The following TAF12 variants were observed in gnomAD, a reference collection of about 807,000 sequenced individuals.
The protein encoded by TAF12 is transcription initiation factor TFIID subunit 12.
In TAF12, 3 loss-of-function variants were observed where a neutral mutation model predicts 20.8. The observed-to-expected ratio is 0.14, with a 90% CI of 0.07 to 0.37. TAF12 has a LOEUF of 0.37. Among genes scored for constraint, TAF12 ranks in the 10% least tolerant of loss-of-function variants. The probability of loss-of-function intolerance (pLI) is 1.00; values close to 1 mark genes in which losing one functional copy is unlikely to be tolerated. For missense variants in TAF12, 131 were observed against 197.9 expected, an observed-to-expected ratio of 0.66 and a Z score of 2.03; for synonymous variants, 69 against 70.2, an observed-to-expected ratio of 0.98 and a Z score of 0.09.
intron 1 of TAF12, among the ~76,000 whole-genome samples, chr1:28,631,807 T>C (rs1377188298): frequency 6.6e-6 from 1 of 152,096 alleles, no homozygotes; most frequent in African/African-American, 2.4e-5. Context: ...TATACCTATA[T>C]AAAATAGCTA....
intron 1 of TAF12, 107 bp downstream of exon 1, chr1:28,642,885 C>A: frequency 1.0e-6 from 1 of 986,114 alleles, no homozygotes; most frequent in Non-Finnish European, 1.2e-6. Flanking sequence ...TCCTCACAGC[C>A]CCGTCTCGTC....
intron 3 of TAF12, among the ~76,000 whole-genome samples, chr1:28,616,823 G>T (rs910711194): frequency 2.6e-5 from 4 of 151,994 alleles, no homozygotes; most frequent in Non-Finnish European, 5.9e-5. Flanking sequence ...GGAATCAACA[G>T]AATCTTATAA....
At chr1:28,638,473 G>A (rs926797718) in intron 1 of TAF12, among the ~76,000 whole-genome samples, 3 of 143,452 alleles carry the variant, frequency 2.1e-5, no homozygotes, top group African/African-American at 7.8e-5. Flanking sequence ...ACAGGCATAA[G>A]CCACCGCGCC....
intron 3 of TAF12, among the ~76,000 whole-genome samples, chr1:28,616,884 C>A (rs1667060003): frequency 6.6e-6 from 1 of 152,042 alleles, no homozygotes; most frequent in Non-Finnish European, 1.5e-5. Context: ...CTTTGGGAGG[C>A]CAAGGCAGGT....
chr1:28,635,400 G>T (rs1002663047), intron 1 of TAF12, among the ~76,000 whole-genome samples: 1 of 147,738 alleles, frequency 6.8e-6, no homozygotes, highest in Non-Finnish European at 1.5e-5. Flanking sequence ...CCACCTCCTG[G>T]GCTCACACCA....
chr1:28,647,517 G>C (rs1668226641), upstream of TAF12, among the ~76,000 whole-genome samples: 1 of 151,922 alleles, frequency 6.6e-6, no homozygotes, highest in Non-Finnish European at 1.5e-5. Flanking sequence ...CAAACTCCTG[G>C]GCTCTCAAAG....
At chr1:28,645,256 C>G (rs1290852314), upstream of TAF12, among the ~76,000 whole-genome samples, 1 of 150,804 alleles carries the variant, frequency 6.6e-6, no homozygotes, top group Admixed American at 6.6e-5. Context: ...AGGATGGTCT[C>G]GATCTCCTGA....
intron 4 of TAF12, among the ~76,000 whole-genome samples, chr1:28,606,858 T>C (rs1171066004): frequency 2.0e-5 from 3 of 152,206 alleles, no homozygotes; most frequent in Admixed American, 1.3e-4. Context: ...TTTATGTAGC[T>C]GTAACAACAG....
At chr1:28,624,411 C>T (rs1312985708) in intron 1 of TAF12, among the ~76,000 whole-genome samples, 1 of 152,138 alleles carries the variant, frequency 6.6e-6, no homozygotes, top group East Asian at 1.9e-4. Context: ...ACTCTTGTCC[C>T]TAGTCCTGAG....
intron 1 of TAF12, among the ~76,000 whole-genome samples, chr1:28,630,215 G>C (rs1440566847): frequency 1.3e-5 from 2 of 152,048 alleles, no homozygotes; most frequent in Non-Finnish European, 2.9e-5. Context: ...CAAAGTGCTG[G>C]GATTATAGGC....
intron 1 of TAF12, among the ~76,000 whole-genome samples, chr1:28,629,699 G>C (rs1182063714): frequency 2.0e-5 from 3 of 151,962 alleles, no homozygotes; most frequent in Non-Finnish European, 4.4e-5. Context: ...GGAGTGCAGT[G>C]GTGAAATCAC....
intron 4 of TAF12, among the ~76,000 whole-genome samples, chr1:28,607,435 C>T (rs1222260469): frequency 2.0e-5 from 3 of 152,096 alleles, no homozygotes; most frequent in Admixed American, 1.3e-4. Context: ...CTTCGGGAGG[C>T]CAAAGTGGGC....
At chr1:28,644,978 C>T (rs1489578080), upstream of TAF12, among the ~76,000 whole-genome samples, 1 of 152,128 alleles carries the variant, frequency 6.6e-6, no homozygotes, top group East Asian at 1.9e-4. Flanking sequence ...TTCACTACAG[C>T]CTCAAACTCC....
At chr1:28,648,016 G>A (rs1487556503), upstream of TAF12, among the ~76,000 whole-genome samples, 2 of 151,766 alleles carry the variant, frequency 1.3e-5, no homozygotes, top group Non-Finnish European at 2.9e-5. Context: ...ATACTCCTTC[G>A]AAGTGCAGCA....
At chr1:28,623,192 C>CA (rs1667276912) in intron 1 of TAF12, among the ~76,000 whole-genome samples, 1 of 152,106 alleles carries the variant, frequency 6.6e-6, no homozygotes, top group South Asian at 2.1e-4. Flanking sequence ...GCCTAGGTGA[C>CA]AGAGTGAGAC....
At chr1:28,639,661 C>A (rs1403235415) in intron 1 of TAF12, among the ~76,000 whole-genome samples, 1 of 152,036 alleles carries the variant, frequency 6.6e-6, no homozygotes, top group Non-Finnish European at 1.5e-5. Flanking sequence ...CATCGGTATG[C>A]TTTCCCTTAT....
At chr1:28,646,429 T>C (rs1328822033), upstream of TAF12, 1 of 152,240 alleles carries the variant, frequency 6.6e-6, no homozygotes, top group Non-Finnish European at 1.5e-5. Context: ...TTGTGACTTC[T>C]ACTTTGTAAA....
At chr1:28,622,528 T>G (rs1311793349) in intron 1 of TAF12, among the ~76,000 whole-genome samples, 1 of 152,062 alleles carries the variant, frequency 6.6e-6, no homozygotes, top group Non-Finnish European at 1.5e-5. Flanking sequence ...TTTCCAAATA[T>G]TAAGTGAAAT....
intron 1 of TAF12, among the ~76,000 whole-genome samples, chr1:28,637,708 T>C (rs1262895041): frequency 6.6e-6 from 1 of 152,074 alleles, no homozygotes; most frequent in Non-Finnish European, 1.5e-5. Flanking sequence ...CTCTTTACCC[T>C]CCCTGTCTGA....
Sources: allele counts gnomAD v4.1 joint callset (sites outside exome capture counted in the v4.1 genomes callset), GRCh38; gene constraint gnomAD v4.1.1; transcripts MANE v1.5; gene names NCBI Gene and HGNC (gene_info 2026-07-23, HGNC 2026-07-21).